Variants in ARID1B observed in about 807,000 individuals in gnomAD.
ARID1B encodes the protein AT-rich interaction domain 1B.
ARID1B carries 30 observed loss-of-function variants against 212.3 expected under a neutral mutation model. The ratio of observed to expected loss-of-function variants is 0.14; its 90% CI spans 0.11 to 0.19. ARID1B has a LOEUF of 0.19. Among genes scored for constraint, ARID1B ranks in the 10% least tolerant of loss-of-function variants. The pLI, the probability that ARID1B is intolerant of heterozygous loss-of-function variation, is 1.00. For missense variants in ARID1B, 2,891 were observed against 3,204.0 expected, an observed-to-expected ratio of 0.90 and a Z score of 2.36; for synonymous variants, 1,402 against 1,301.7, an observed-to-expected ratio of 1.08 and a Z score of -1.66.
chr6:157,039,423 C>CCT, intron 4 of ARID1B, among the ~76,000 whole-genome samples: 1 of 146,916 alleles, frequency 6.8e-6, no homozygotes, highest in Middle Eastern at 3.5e-3. Flanking sequence ...CTCCGCTTCC[C>CCT]GGGTTCACGC....
intron 3 of ARID1B, among the ~76,000 whole-genome samples, chr6:156,931,764 ACCAG>A (rs1791736906): frequency 2.0e-5 from 3 of 152,042 alleles, no homozygotes; most frequent in Non-Finnish European, 4.4e-5. Flanking sequence ...GGAGTTTGAG[ACCAG>A]CCTGACCAAC....
At chr6:157,003,019 C>T (rs1378346781) in intron 4 of ARID1B, among the ~76,000 whole-genome samples, 1 of 152,094 alleles carries the variant, frequency 6.6e-6, no homozygotes, top group Non-Finnish European at 1.5e-5. Context: ...AAAGCAGCAT[C>T]CATTAGGGAA....
chr6:157,069,467 T>A (rs1371168796), intron 4 of ARID1B, among the ~76,000 whole-genome samples: 2 of 152,232 alleles, frequency 1.3e-5, no homozygotes, highest in Admixed American at 6.5e-5. Flanking sequence ...TTCTTGTAGG[T>A]AGGCTACAGT....
Position 157,201,275 on chromosome 6 carries a change from C to G in ARID1B, c.5050C>G (p.Arg1684Gly). ...SRAPSPASFQ[R>G]SLENRMSPSK... ...GGCGCCCAGCCCAGCGTCCTTCCAG[C>G]GCTCCCTGGAGAACCGCATGTCTCC... The change falls in exon 18 of 20, where the codon CGC becomes GGC. Residue 1684 changes from arginine to glycine, a missense_variant. Physicochemically the swap from Arg to Gly is moderately radical, Grantham distance 125 (BLOSUM62 -2). Coordinates refer to ENST00000636930, the MANE Select transcript of ARID1B (RefSeq NM_001374828.1). The surrounding 1 kb of genome is among the most constrained non-coding windows in gnomAD (Gnocchi z 5.2). The G allele has an allele frequency of 6.2e-7, 1 of 1,614,058 alleles. No homozygotes were observed. The highest frequency in any genetic ancestry group is 8.5e-7 in the Non-Finnish European group (1 of 1,180,018).
At position 157,190,075 on chromosome 6, in the gene ARID1B, G is replaced by A. The variant is rs773649998; in HGVS notation, c.4096G>A (p.Val1366Met). Residue 1366 changes from valine (V) to methionine (M), a missense_variant, in exon 15 of 20, where the codon GTG becomes ATG. Transcript: ENST00000636930. The surrounding 1 kb of genome is among the most constrained non-coding windows in gnomAD (Gnocchi z 4.6). ...CAGTGTGCACGACCCATTCTCAGAT[G>A]TGAGTGATTCATCCTTCCCGAAACG... ...TISVHDPFSD[V>M]SDSSFPKRNS... 39 of 1,614,254 alleles carry A rather than the reference G, an allele frequency of 2.4e-5. No homozygotes were observed. The highest frequency in any genetic ancestry group is 3.2e-5 in the Non-Finnish European group (38 of 1,180,046).
intron 8 of ARID1B, among the ~76,000 whole-genome samples, chr6:157,159,804 G>A (rs1344379195): frequency 1.3e-5 from 2 of 152,234 alleles, no homozygotes; most frequent in Non-Finnish European, 2.9e-5. Context: ...AGGCAAAGAC[G>A]TGCCAGGGAG....
At chr6:156,992,265 CCTT>C (rs769626619) in intron 4 of ARID1B, among the ~76,000 whole-genome samples, 7 of 152,052 alleles carry the variant, frequency 4.6e-5, no homozygotes, top group Non-Finnish European at 1.0e-4. Context: ...GTGTTGTAGT[CCTT>C]CATCTGGGAA....
At chr6:156,901,320 T>C in intron 2 of ARID1B, 56 bp from the exon 3 acceptor site, 1 of 1,605,412 alleles carries the variant, frequency 6.2e-7, no homozygotes. Flanking sequence ...CCATATTTGA[T>C]TTCATTTAAT....
At chr6:157,187,158 G>C (rs1334442809) in intron 13 of ARID1B, among the ~76,000 whole-genome samples, 1 of 152,166 alleles carries the variant, frequency 6.6e-6, no homozygotes, top group Non-Finnish European at 1.5e-5. Flanking sequence ...GGTTGTGGGG[G>C]AGTTCCAATG....
chr6:157,166,586 A>G (rs1261391098), intron 8 of ARID1B: 1 of 152,608 alleles, frequency 6.6e-6, no homozygotes. Flanking sequence ...TTATATCAGA[A>G]AATTTAGGTC....
chr6:157,086,271 A>C (rs1263492749), intron 5 of ARID1B, among the ~76,000 whole-genome samples: 1 of 152,220 alleles, frequency 6.6e-6, no homozygotes, highest in East Asian at 1.9e-4. Flanking sequence ...CGCTCAGTGC[A>C]TTTTGATTAA....
At chr6:157,116,829 T>C (rs1787348832) in intron 6 of ARID1B, among the ~76,000 whole-genome samples, 1 of 152,096 alleles carries the variant, frequency 6.6e-6, no homozygotes, top group Non-Finnish European at 1.5e-5. Flanking sequence ...TCTCCACTGT[T>C]GAAAAAGAGG....
At chr6:157,051,216 G>A (rs1028934479) in intron 4 of ARID1B, among the ~76,000 whole-genome samples, 2 of 152,176 alleles carry the variant, frequency 1.3e-5, no homozygotes, top group African/African-American at 2.4e-5. Flanking sequence ...TGAGGGATGC[G>A]CAGAGTGCTT....
chr6:157,126,545 C>T (rs557091831), intron 6 of ARID1B, among the ~76,000 whole-genome samples: 5 of 152,176 alleles, frequency 3.3e-5, no homozygotes, highest in South Asian at 4.1e-4. Context: ...GAGCATACAG[C>T]GCAGGACTCA....
At position 156,905,034 on chromosome 6, in the gene ARID1B, A is replaced by T. The variant is rs187239974; in HGVS notation, c.2136+3509A>T. The stretch of plus-strand genomic sequence containing the variant: ...AGTAATGTTGAGTGTTGTCTTGTGT[A>T]TTTAAAGGCATTTGTGTTTCCTTTT... On this transcript the variant is annotated intron_variant, in intron 3 of 19. Coordinates refer to ENST00000636930, the MANE Select transcript of ARID1B (RefSeq NM_001374828.1). 3.9e-5 allele frequency among the ~76,000 whole-genome samples: 6 copies of T among 152,236 alleles called. No individual in the cohort carries two copies. In the East Asian group the frequency reaches 1.2e-3, roughly 29 times the overall value.
chr6:156,809,403 C>T lies in ARID1B; in HGVS notation c.1792-19824C>T, dbSNP rs772180056. Among the ~76,000 whole-genome samples, 31 of 152,106 alleles carry T rather than the reference C, an allele frequency of 2.0e-4. 1 individual carries two copies. Among genetic ancestry groups the T allele is most frequent in the Admixed American group, 1.3e-3 (20 of 15,268 alleles). ...GAAGACATTTTACAGTTGTAAAATT[C>T]TCGCCTATTTGAATTTTGAGATCTT... On this transcript the variant is annotated intron_variant, in intron 1 of 19. Transcript: ENST00000636930.
chr6:156,822,816 C>T (rs1033980617), intron 1 of ARID1B, among the ~76,000 whole-genome samples: 2 of 152,096 alleles, frequency 1.3e-5, no homozygotes, highest in African/African-American at 4.8e-5. Context: ...GCGCCCACTG[C>T]CCACTGTTCT....
At chr6:157,174,247 A>C in intron 10 of ARID1B, 130 bp downstream of exon 10, 3 of 716,124 alleles carry the variant, frequency 4.2e-6, no homozygotes, top group South Asian at 3.5e-5. Context: ...CATTTTGTGC[A>C]ACATGTTTGT....
intron 13 of ARID1B, among the ~76,000 whole-genome samples, chr6:157,189,135 C>T (rs952677325): frequency 1.3e-5 from 2 of 152,220 alleles, no homozygotes; most frequent in South Asian, 4.1e-4. Context: ...TGTGTCCTTG[C>T]TTTTCATCTT....
Sources: allele counts gnomAD v4.1 joint callset (sites outside exome capture counted in the v4.1 genomes callset), GRCh38; gene constraint gnomAD v4.1.1; non-coding constraint Gnocchi (gnomAD v3.1); transcripts MANE v1.5; gene names NCBI Gene and HGNC (gene_info 2026-07-23, HGNC 2026-07-21).